Variants in TRAM2 observed in about 807,000 individuals in gnomAD.
The protein encoded by TRAM2 is translocating chain-associated membrane protein 2.
In TRAM2, 12 loss-of-function variants were observed where a neutral mutation model predicts 51.0. The observed-to-expected ratio is 0.24, with a 90% CI of 0.15 to 0.38. The LOEUF is 0.38. TRAM2 is among the 10% of genes least tolerant of loss of function. The probability of loss-of-function intolerance (pLI) is 1.00; values close to 1 mark genes in which losing one functional copy is unlikely to be tolerated. For missense variants in TRAM2, 361 were observed against 462.0 expected, an observed-to-expected ratio of 0.78 and a Z score of 2.00; for synonymous variants, 175 against 179.4, an observed-to-expected ratio of 0.98 and a Z score of 0.20.
Position 52,576,847 on chromosome 6 carries a change from C to T in TRAM2, c.69G>A (p.Ala23=). 1 of 1,613,914 alleles carries T rather than the reference C, an allele frequency of 6.2e-7. No homozygotes were observed. Among genetic ancestry groups the T allele is most frequent in the East Asian group, 2.2e-5 (1 of 44,848 alleles). Residue 23 remains alanine, a synonymous_variant, in exon 1 of 11, where the codon GCG becomes GCA. Coordinates refer to ENST00000182527, the MANE Select transcript of TRAM2 (RefSeq NM_012288.4). ...AGAGCACCAGGCAGAAGCCGATGTC[C>T]GCATGGTTGTGGATGACGAACTCCT... ...FSQEFVIHNH[A]DIGFCLVLCV... is the part of the protein sequence containing the mutation.
intron 2 of TRAM2, among the ~76,000 whole-genome samples, chr6:52,528,666 G>T (rs537871260): frequency 1.3e-5 from 2 of 152,150 alleles, no homozygotes; most frequent in Non-Finnish European, 2.9e-5. Context: ...ATCTCTGGCT[G>T]CAAAATGCAA....
intron 2 of TRAM2, among the ~76,000 whole-genome samples, chr6:52,517,633 G>A (rs1265259017): frequency 6.6e-6 from 1 of 152,262 alleles, no homozygotes; most frequent in Non-Finnish European, 1.5e-5. Context: ...GGGGCTGTGA[G>A]CCTGGTGGCC....
intron 1 of TRAM2, among the ~76,000 whole-genome samples, chr6:52,573,230 G>C (rs1026279468): frequency 2.6e-5 from 4 of 152,078 alleles, no homozygotes; most frequent in African/African-American, 9.7e-5. Context: ...ACGTGGCACA[G>C]AACAGGACAC....
At chr6:52,559,686 A>C (rs1030817325) in intron 1 of TRAM2, among the ~76,000 whole-genome samples, 1 of 152,234 alleles carries the variant, frequency 6.6e-6, no homozygotes, top group Non-Finnish European at 1.5e-5. Flanking sequence ...GCCCAAGTCA[A>C]GTCCCATTCT....
At chr6:52,569,427 T>A (rs997498578) in intron 1 of TRAM2, among the ~76,000 whole-genome samples, 3 of 150,372 alleles carry the variant, frequency 2.0e-5, no homozygotes, top group Non-Finnish European at 4.4e-5. Context: ...GCAGGTTGTT[T>A]AAACCACCAA....
At chr6:52,530,374 G>C (rs1232481213) in intron 2 of TRAM2, among the ~76,000 whole-genome samples, 13 of 152,114 alleles carry the variant, frequency 8.5e-5, no homozygotes. Flanking sequence ...TGATTATAAT[G>C]CACAAAATCA....
Position 52,577,008 on chromosome 6 carries a change from G to C in TRAM2, c.-93C>G. 1 of 1,297,224 alleles carries C rather than the reference G, an allele frequency of 7.7e-7. No individual in the cohort carries two copies. Among genetic ancestry groups the C allele is most frequent in the East Asian group, 3.3e-5 (1 of 30,382 alleles). The allele number at this position is 1,297,224 out of a possible 1,614,324, so 80.4% of individuals were successfully genotyped here. A position where few individuals can be genotyped will look rare whatever the true frequency, so the allele number is the denominator to read the frequency against. The stretch of plus-strand genomic sequence containing the variant: ...CAGCACCGGCCCGGTCCGCCCGCCG[G>C]CCCGCCGCCCGCTCTCCCACAGCCG... On this transcript the variant is annotated 5_prime_UTR_variant, in exon 1 of 11. Coordinates refer to ENST00000182527, the MANE Select transcript of TRAM2 (RefSeq NM_012288.4).
chr6:52,553,005 T>G (rs1272030600), intron 1 of TRAM2, among the ~76,000 whole-genome samples: 2 of 152,158 alleles, frequency 1.3e-5, no homozygotes, highest in African/African-American at 4.8e-5. Flanking sequence ...TAGGAGAGAC[T>G]TCTAACTGGA....
chr6:52,512,129 A>C (rs1455050526), intron 4 of TRAM2, among the ~76,000 whole-genome samples: 7 of 152,174 alleles, frequency 4.6e-5, no homozygotes, highest in South Asian at 4.1e-4. Flanking sequence ...GCAGGAATGT[A>C]CTTAGCAGGA....
At chr6:52,538,989 A>G (rs761706972) in intron 1 of TRAM2, among the ~76,000 whole-genome samples, 1 of 152,220 alleles carries the variant, frequency 6.6e-6, no homozygotes, top group Non-Finnish European at 1.5e-5. Context: ...GTTTCTGTTT[A>G]AAGACACCTA....
At chr6:52,575,759 G>A (rs1413379553) in intron 1 of TRAM2, among the ~76,000 whole-genome samples, 2 of 152,226 alleles carry the variant, frequency 1.3e-5, no homozygotes, top group Non-Finnish European at 2.9e-5. Flanking sequence ...GCAGAAGGGA[G>A]GACAAGGAGT....
At chr6:52,573,946 A>G (rs575929815) in intron 1 of TRAM2, among the ~76,000 whole-genome samples, 3 of 152,258 alleles carry the variant, frequency 2.0e-5, no homozygotes, top group Admixed American at 2.0e-4. Context: ...TTGTGGGAAG[A>G]ATTATAATTG....
At chr6:52,519,781 T>C (rs1679495401) in intron 2 of TRAM2, among the ~76,000 whole-genome samples, 2 of 150,934 alleles carry the variant, frequency 1.3e-5, no homozygotes, top group South Asian at 4.2e-4. Context: ...ACATGTGCTG[T>C]ATACATACAG....
chr6:52,571,025 G>A (rs72929193), intron 1 of TRAM2, among the ~76,000 whole-genome samples: 15,762 of 152,108 alleles, frequency 0.1, 897 homozygotes, highest in South Asian at 0.14. Context: ...CTGTTTGTGA[G>A]ATAAGAAGGG....
chr6:52,567,380 T>C (rs1767606580), intron 1 of TRAM2, among the ~76,000 whole-genome samples: 1 of 152,236 alleles, frequency 6.6e-6, no homozygotes, highest in East Asian at 1.9e-4. Context: ...TCAACAAATA[T>C]GTTAGCTGGC....
At chr6:52,509,384 C>A in intron 5 of TRAM2, 144 bp downstream of exon 5, 1 of 683,446 alleles carries the variant, frequency 1.5e-6, no homozygotes, top group South Asian at 2.0e-5. Flanking sequence ...GGCTTCCAGA[C>A]AAGTCTACCA....
At chr6:52,514,788 G>C (rs1766514427) in intron 4 of TRAM2, among the ~76,000 whole-genome samples, 1 of 152,150 alleles carries the variant, frequency 6.6e-6, no homozygotes, top group Admixed American at 6.5e-5. Context: ...TCCGGGGGTG[G>C]GCATGAACTG....
At chr6:52,510,047 T>C in intron 4 of TRAM2, among the ~76,000 whole-genome samples, 1 of 152,090 alleles carries the variant, frequency 6.6e-6, no homozygotes, top group African/African-American at 2.4e-5. Context: ...GCAAATGAAC[T>C]CTAGAATCAC....
intron 1 of TRAM2, among the ~76,000 whole-genome samples, chr6:52,537,281 G>A (rs1766991878): frequency 6.6e-6 from 1 of 152,140 alleles, no homozygotes; most frequent in Non-Finnish European, 1.5e-5. Context: ...GAATATACAG[G>A]TCTTCCTAAT....
Sources: gnomAD v4.1 joint callset for allele counts (sites outside exome capture counted in the v4.1 genomes callset) on GRCh38, gnomAD v4.1.1 for gene constraint, MANE v1.5 for transcripts, NCBI Gene and HGNC (gene_info 2026-07-23, HGNC 2026-07-21) for gene names.